The following RAPGEF6 variants were observed in gnomAD, a reference collection of about 807,000 sequenced individuals.
RAPGEF6 encodes the protein Rap guanine nucleotide exchange factor 6.
Under a neutral mutation model 171.4 loss-of-function variants are expected in RAPGEF6, and 56 were observed. The observed-to-expected ratio is 0.33, with a 90% confidence interval of 0.26 to 0.41. RAPGEF6 has a LOEUF of 0.41. RAPGEF6 is among the 10% of genes least tolerant of loss of function. The pLI is 1.00. For synonymous variants in RAPGEF6, 692 were observed against 650.1 expected (o/e 1.06, Z -0.98); for missense variants, 1,674 against 1,921.4 (o/e 0.87, Z 2.41).
At chr5:131,581,345 A>C (rs1490626613) in intron 4 of RAPGEF6, among the ~76,000 whole-genome samples, 1 of 152,082 alleles carries the variant, frequency 6.6e-6, no homozygotes, top group Admixed American at 6.5e-5. Flanking sequence ...CTACTCTCTA[A>C]CTGAGTATCC....
intron 6 of RAPGEF6, among the ~76,000 whole-genome samples, chr5:131,540,776 T>A (rs959406865): frequency 6.6e-6 from 1 of 152,268 alleles, no homozygotes; most frequent in African/African-American, 2.4e-5. Context: ...AAAGGCACAC[T>A]TGGTGCTTGA....
At chr5:131,449,760 A>G (rs1752940303) in intron 21 of RAPGEF6, among the ~76,000 whole-genome samples, 1 of 152,202 alleles carries the variant, frequency 6.6e-6, no homozygotes, top group South Asian at 2.1e-4. Context: ...ACAAATATTC[A>G]CTATCATTAT....
chr5:131,475,487 C>A (rs953142157), intron 16 of RAPGEF6, among the ~76,000 whole-genome samples: 2 of 152,062 alleles, frequency 1.3e-5, no homozygotes, highest in Non-Finnish European at 2.9e-5. Context: ...AACAAAAATA[C>A]GTTGACAAGA....
In RAPGEF6 at chr5:131,505,435, A is replaced by C; in HGVS notation, c.1030T>G (p.Phe344Val). 1 of 1,613,564 alleles carries C rather than the reference A, an allele frequency of 6.2e-7. No homozygotes were observed. The highest frequency in any genetic ancestry group is 8.5e-7 in the Non-Finnish European group (1 of 1,179,672). Residue 344 changes from phenylalanine (F) to valine (V), a missense_variant, in exon 10 of 28, where the codon TTT (phenylalanine) becomes GTT (valine). By Grantham distance (50) the Phe-to-Val change is conservative. Around this residue, in one of 3 missense-constraint regions of RAPGEF6, gnomAD observed 1,116 missense variants for 1,321.5 expected, o/e 0.84. Coordinates refer to ENST00000509018, the MANE Select transcript of RAPGEF6 (RefSeq NM_016340.6). Reference sequence around the variant, plus strand: ...TTATCCAGAGTGGGAGTAATTCCAAAACTATTTCCCATAAACAAATTTTCA... The same window carrying C: ...TTATCCAGAGTGGGAGTAATTCCAACACTATTTCCCATAAACAAATTTTCA... ...KVENLFMGNS[F>V]GITPTLDKQY... is the part of the protein sequence containing the mutation.
At chr5:131,581,630 G>A (rs114883835) in intron 4 of RAPGEF6, among the ~76,000 whole-genome samples, 316 of 150,854 alleles carry the variant, frequency 2.1e-3, no homozygotes, top group African/African-American at 6.8e-3. Context: ...CCTCCATACC[G>A]CCCCCAAAAT....
At chr5:131,587,775 A>G (rs1763343554) in intron 4 of RAPGEF6, among the ~76,000 whole-genome samples, 1 of 152,102 alleles carries the variant, frequency 6.6e-6, no homozygotes, top group Non-Finnish European at 1.5e-5. Flanking sequence ...CTCTTCCCCA[A>G]AGGAAGCCAT....
chr5:131,586,662 T>C (rs1454646556), intron 4 of RAPGEF6, among the ~76,000 whole-genome samples: 2 of 152,084 alleles, frequency 1.3e-5, no homozygotes, highest in South Asian at 2.1e-4. Flanking sequence ...TGAAAATGTA[T>C]TCATCGGCAG....
intron 24 of RAPGEF6, 73 bp from the exon 25 acceptor site, chr5:131,433,731 GAA>G (rs11326479): frequency 6.5e-5 from 55 of 841,354 alleles, no homozygotes; most frequent in South Asian, 2.2e-4. Context: ...GGGAAAGGAT[GAA>G]AAAAAAAAAC....
At chr5:131,586,934 A>T (rs1580628878) in intron 4 of RAPGEF6, among the ~76,000 whole-genome samples, 2 of 152,192 alleles carry the variant, frequency 1.3e-5, no homozygotes, top group East Asian at 3.9e-4. Context: ...ACTGGCCTGC[A>T]CACTGGGAGA....
At chr5:131,467,243 A>G (rs1022589543) in intron 17 of RAPGEF6, among the ~76,000 whole-genome samples, 1 of 152,216 alleles carries the variant, frequency 6.6e-6, no homozygotes, top group Non-Finnish European at 1.5e-5. Flanking sequence ...ATACGTTGTT[A>G]AAGTGATTTG....
rs560430473 is a variant in RAPGEF6, at chr5:131,539,390, A to G, written c.495+8657T>C. Among the ~76,000 whole-genome samples the G allele has an allele frequency of 2.0e-5, 3 of 152,322 alleles. No homozygotes were observed. The East Asian group carries it at 5.8e-4, about 29-fold the overall frequency. ...AAATTCTAAATTCTCCTAATGATTG[A>G]TCCAACAATAGTGCTTACACCTCCT... On this transcript the variant is annotated intron_variant, in intron 6 of 27. Transcript: ENST00000509018.
intron 6 of RAPGEF6, among the ~76,000 whole-genome samples, chr5:131,540,100 AAG>A (rs1760035584): frequency 6.6e-6 from 1 of 152,250 alleles, no homozygotes; most frequent in African/African-American, 2.4e-5. Context: ...ATGCTGAAGA[AAG>A]AGAGGAAGAC....
chr5:131,530,534 A>G (rs770802863), intron 6 of RAPGEF6, among the ~76,000 whole-genome samples: 9 of 152,216 alleles, frequency 5.9e-5, no homozygotes, highest in African/African-American at 2.2e-4. Context: ...AAAGAAGTAT[A>G]ACAAAATTCT....
At chr5:131,468,947 A>G (rs1754565081) in intron 17 of RAPGEF6, among the ~76,000 whole-genome samples, 1 of 152,222 alleles carries the variant, frequency 6.6e-6, no homozygotes, top group African/African-American at 2.4e-5. Context: ...ATATAATGAG[A>G]AAACAAATTC....
intron 17 of RAPGEF6, among the ~76,000 whole-genome samples, chr5:131,469,164 G>GT (rs1446331980): frequency 6.6e-6 from 1 of 152,188 alleles, no homozygotes; most frequent in African/African-American, 2.4e-5. Context: ...AAGTGAAACA[G>GT]TTAAGTGGAA....
chr5:131,555,426 T>TCA (rs1761172000), intron 5 of RAPGEF6, among the ~76,000 whole-genome samples: 2 of 55,824 alleles, frequency 3.6e-5, no homozygotes, highest in South Asian at 5.2e-4. Flanking sequence ...AAAAAAATAG[T>TCA]CGTGTCAATG....
At chr5:131,573,335 G>T (rs1032050342) in intron 4 of RAPGEF6, among the ~76,000 whole-genome samples, 1 of 152,082 alleles carries the variant, frequency 6.6e-6, no homozygotes, top group African/African-American at 2.4e-5. Context: ...GTCAGGGTAC[G>T]TGTCCCCTTT....
chr5:131,487,755 C>T (rs1756018701), intron 15 of RAPGEF6, among the ~76,000 whole-genome samples: 1 of 152,184 alleles, frequency 6.6e-6, no homozygotes, highest in Admixed American at 6.5e-5. Flanking sequence ...CCAATGTCTT[C>T]TGGTCACAGG....
chr5:131,433,523 G>C lies in RAPGEF6; in HGVS notation c.3881C>G (p.Ser1294Cys), dbSNP rs897613310. ...MSAALQDERC[S>C]SQALAVPEST... ...TTCAGGGACTGCCAGGGCCTGAGAG[G>C]AACACCGTTCATCCTGTAGAGCTGC... is the stretch of plus-strand genomic sequence containing the variant. Residue 1294 changes from serine (S) to cysteine (C), a missense_variant, in exon 25 of 28, where the codon TCC (serine) becomes TGC (cysteine). Physicochemically the swap from Ser to Cys is moderately radical, Grantham distance 112. Around this residue, in one of 3 missense-constraint regions of RAPGEF6, gnomAD observed 552 missense variants for 574.2 expected, o/e 0.96. Coordinates refer to ENST00000509018, the MANE Select transcript of RAPGEF6 (RefSeq NM_016340.6). 1.2e-6 allele frequency: 2 copies of C among 1,613,860 alleles called. No individual in the cohort carries two copies. The highest frequency in any genetic ancestry group is 2.2e-5 in the South Asian group (2 of 91,066).
Sources: gnomAD v4.1 joint callset for allele counts (sites outside exome capture counted in the v4.1 genomes callset) on GRCh38, gnomAD v4.1.1 for gene constraint, gnomAD v4.1.1 regional missense constraint, MANE v1.5 for transcripts, NCBI Gene and HGNC (gene_info 2026-07-23, HGNC 2026-07-21) for gene names.